Variants in SHMT1 observed in about 807,000 individuals in gnomAD.
The protein encoded by SHMT1 is serine hydroxymethyltransferase, cytosolic.
SHMT1 carries 45 observed loss-of-function variants against 49.0 expected under a neutral mutation model. The observed-to-expected ratio is 0.92, with a 90% CI of 0.72 to 1.18. The LOEUF (loss-of-function observed/expected upper bound fraction) is 1.18, where lower values mean the gene tolerates loss of function less well. SHMT1 is among the 50% of genes most tolerant of loss of function. SHMT1 has a pLI of 0.00. For missense variants in SHMT1, 541 were observed against 612.4 expected (o/e 0.88, Z 1.23); for synonymous variants, 232 against 246.6 (o/e 0.94, Z 0.55).
At chr17:18,353,961 G>T (rs1985973884) in intron 2 of SHMT1, 144 bp from the exon 3 acceptor site, 1 of 784,252 alleles carries the variant, frequency 1.3e-6, no homozygotes, top group Admixed American at 2.1e-5. Flanking sequence ...TTTAGTATCT[G>T]AGAAAGCACT....
intron 5 of SHMT1, among the ~76,000 whole-genome samples, chr17:18,343,241 G>C (rs938547168): frequency 3.3e-5 from 5 of 151,742 alleles, no homozygotes; most frequent in Non-Finnish European, 5.9e-5. Flanking sequence ...TGTAGATCTC[G>C]ATGTAAAATT....
At position 18,358,009 on chromosome 17, in the gene SHMT1, A is replaced by G. The variant is rs529935211; in HGVS notation, c.-19-2009T>C. The stretch of plus-strand genomic sequence containing the variant: ...CTCCCAAGTAGCCAGGAACACAGGC[A>G]CCCACCACCATGCCTGGCTAATTTT... On this transcript the variant is annotated intron_variant, in intron 1 of 11. Coordinates refer to ENST00000316694, the MANE Select transcript of SHMT1 (RefSeq NM_004169.5). Among the ~76,000 whole-genome samples, 7 of 149,872 alleles carry G rather than the reference A, an allele frequency of 4.7e-5. No individual in the cohort carries two copies. The South Asian group carries it at 1.5e-3, about 32-fold the overall frequency.
chr17:18,343,490 C>A (rs565730341), intron 5 of SHMT1, among the ~76,000 whole-genome samples: 25 of 151,530 alleles, frequency 1.6e-4, no homozygotes, highest in Admixed American at 2.6e-4. Flanking sequence ...CACCTGCAGT[C>A]CTAGCGATTC....
chr17:18,336,094 T>C (rs1034675004), intron 7 of SHMT1, among the ~76,000 whole-genome samples: 6 of 151,474 alleles, frequency 4.0e-5, no homozygotes, highest in Admixed American at 2.0e-4. Flanking sequence ...CTGGCCAACA[T>C]GGTGAAACCC....
chr17:18,352,079 CAA>C (rs1985767686), intron 3 of SHMT1, among the ~76,000 whole-genome samples: 1 of 151,326 alleles, frequency 6.6e-6, no homozygotes, highest in Non-Finnish European at 1.5e-5. Flanking sequence ...TTCCTAGCCT[CAA>C]ATGATCCTCT....
intron 5 of SHMT1, chr17:18,341,211 A>G (rs181602024): frequency 1.9e-4 from 48 of 255,654 alleles, no homozygotes; most frequent in Admixed American, 1.7e-3. Context: ...AACAAAAGGC[A>G]TAACGATTAG....
intron 9 of SHMT1, chr17:18,332,325 A>C (rs1983301209): frequency 6.6e-6 from 1 of 152,430 alleles, no homozygotes; most frequent in African/African-American, 2.4e-5. Flanking sequence ...ACTGCCGCAC[A>C]TGCAGGATTG....
chr17:18,339,761 C>T (rs982469346), intron 7 of SHMT1, among the ~76,000 whole-genome samples: 3 of 152,094 alleles, frequency 2.0e-5, no homozygotes, highest in Non-Finnish European at 2.9e-5. Flanking sequence ...GGGGTTTCAC[C>T]GTGTTAGCCA....
At chr17:18,351,544 G>A (rs759570235) in intron 3 of SHMT1, among the ~76,000 whole-genome samples, 123 of 151,646 alleles carry the variant, frequency 8.1e-4, no homozygotes, top group Non-Finnish European at 1.5e-3. Flanking sequence ...GGATCATGAG[G>A]TCAGGAGATC....
rs532183764 is a variant in SHMT1 at position 18,333,262 on chromosome 17, T to C, written c.958A>G (p.Met320Val). The C allele has an allele frequency of 9.3e-6, 15 of 1,613,626 alleles. No individual in the cohort carries two copies. In the Admixed American group the frequency reaches 2.3e-4, roughly 25 times the overall value. Reference sequence around the variant, plus strand: ...TGATAAACTTTAAATTCCAGAGTCATAGCTTGCTTCAGTGCCACAGCAACC... The same window carrying C: ...TGATAAACTTTAAATTCCAGAGTCACAGCTTGCTTCAGTGCCACAGCAACC... ...AGVAVALKQA[M>V]TLEFKVYQHQ... is the part of the protein sequence containing the mutation. Residue 320 changes from methionine (M) to valine (V), a missense_variant, in exon 9 of 12, where the codon ATG becomes GTG. Physicochemically the swap from Met to Val is conservative, Grantham distance 21. Coordinates refer to ENST00000316694, the MANE Select transcript of SHMT1 (RefSeq NM_004169.5).
At chr17:18,355,135 T>C (rs1204687691) in intron 2 of SHMT1, among the ~76,000 whole-genome samples, 3 of 135,998 alleles carry the variant, frequency 2.2e-5, no homozygotes, top group Admixed American at 8.0e-5. Flanking sequence ...TTTGGGAGGC[T>C]GAGGTGGGCG....
At position 18,347,545 on chromosome 17, in the gene SHMT1, TTGTC is replaced by T. The variant is rs752583315; in HGVS notation, c.466_469del (p.Asp156ArgfsTer18). The T allele has an allele frequency of 2.5e-6, 4 of 1,614,180 alleles. No homozygotes were observed. The African/African-American group carries it at 4.0e-5, about 16-fold the overall frequency. ...GATGGACGTGGCAGAGATTTTCTTCTTGTCTGTCATGAACCCATGGGTCAGGTGG... is the reference window on the plus strand; with the variant it reads ...GATGGACGTGGCAGAGATTTTCTTCTTGTCATGAACCCATGGGTCAGGTGG... On this transcript the variant is annotated frameshift_variant, in exon 5 of 12. Transcript: ENST00000316694. LOFTEE classifies it high-confidence loss of function.
At chr17:18,355,213 AC>A (rs1282787078) in intron 2 of SHMT1, among the ~76,000 whole-genome samples, 1 of 148,880 alleles carries the variant, frequency 6.7e-6, no homozygotes, top group East Asian at 2.0e-4. Flanking sequence ...ACTAAAAAAT[AC>A]AAAAAATTAG....
In SHMT1 at chr17:18,330,543, G is replaced by C; in HGVS notation, c.1171+12C>G. On this transcript the variant is annotated intron_variant, in intron 10 of 11. Coordinates refer to ENST00000316694, the MANE Select transcript of SHMT1 (RefSeq NM_004169.5). The stretch of plus-strand genomic sequence containing the variant: ...GGAGAGGAGTGAAGGAGAAGGCAAG[G>C]ATGATTCTCACCTGGACAGGTGTTC... The C allele has an allele frequency of 6.4e-7, 1 of 1,562,878 alleles. No individual in the cohort carries two copies.
At chr17:18,335,765 C>A (rs971308741) in intron 7 of SHMT1, 90 bp from the exon 8 acceptor site, 6 of 926,138 alleles carry the variant, frequency 6.5e-6, no homozygotes, top group Non-Finnish European at 1.1e-5. Flanking sequence ...AGGGAAGAAT[C>A]AAGCACAAGC....
At chr17:18,330,748 G>T in intron 9 of SHMT1, 77 bp from the exon 10 acceptor site, 1 of 1,041,776 alleles carries the variant, frequency 9.6e-7, no homozygotes, top group Non-Finnish European at 1.5e-6. Flanking sequence ...CGAAGGCGAG[G>T]ATGAAGGCAG....
chr17:18,348,965 CAA>C (rs528389537), intron 3 of SHMT1, among the ~76,000 whole-genome samples: 6 of 92,600 alleles, frequency 6.5e-5, no homozygotes, highest in Admixed American at 2.5e-4. Flanking sequence ...GACCCTGTCT[CAA>C]AAAAAAAAAA....
At chr17:18,339,153 AATG>A (rs1416977300) in intron 7 of SHMT1, among the ~76,000 whole-genome samples, 1 of 151,354 alleles carries the variant, frequency 6.6e-6, no homozygotes, top group Non-Finnish European at 1.5e-5. Flanking sequence ...CCACAGGCTA[AATG>A]ATGACCTGAC....
At chr17:18,363,296 A>AC (rs35311598) in intron 1 of SHMT1, 76 bp downstream of exon 1, 38,864 of 151,550 alleles carry the variant, frequency 0.26, 5,280 homozygotes, top group Non-Finnish European at 0.3. Flanking sequence ...ACGCCGAAGC[A>AC]CCCCCCGGGC....
Sources: gnomAD v4.1 joint callset for allele counts (sites outside exome capture counted in the v4.1 genomes callset) on GRCh38, gnomAD v4.1.1 for gene constraint, MANE v1.5 for transcripts, NCBI Gene and HGNC (gene_info 2026-07-23, HGNC 2026-07-21) for gene names.